The following N4BP1 variants were observed in gnomAD, a reference collection of about 807,000 sequenced individuals.
N4BP1 encodes the protein NEDD4-binding protein 1.
N4BP1 carries 21 observed loss-of-function variants against 70.9 expected under a neutral mutation model. The ratio of observed to expected loss-of-function variants is 0.30; its 90% CI spans 0.21 to 0.43. N4BP1 has a LOEUF of 0.43. N4BP1 is among the 20% of genes least tolerant of loss of function. N4BP1 has a pLI of 1.00. For missense variants in N4BP1, 936 were observed against 1,069.4 expected (o/e 0.88, Z 1.74); for synonymous variants, 387 against 394.6 (o/e 0.98, Z 0.23).
intron 1 of N4BP1, among the ~76,000 whole-genome samples, chr16:48,579,629 C>CA (rs1269761469): frequency 6.7e-6 from 1 of 149,986 alleles, no homozygotes; most frequent in Non-Finnish European, 1.5e-5. Flanking sequence ...TCTAACCAAG[C>CA]AACTGTATTC....
intron 1 of N4BP1, among the ~76,000 whole-genome samples, chr16:48,595,018 C>T (rs1363720491): frequency 6.6e-6 from 1 of 152,022 alleles, no homozygotes; most frequent in Admixed American, 6.6e-5. Context: ...GAGATTGTGG[C>T]ATTAGAATAA....
In N4BP1 at chr16:48,561,351, T is replaced by C; in HGVS notation, c.1292A>G (p.Gln431Arg). ...LTTDSTPKKT[Q>R]AHTQQNMVEK... ...TACCATATTTTGCTGTGTGTGAGCC[T>C]GTGTTTTCTTTGGAGTGGAATCAGT... The change falls in exon 2 of 7, where the codon CAG becomes CGG. Residue 431 changes from glutamine to arginine, a missense_variant. Gln to Arg is a conservative substitution (Grantham distance 43). Around this residue, in one of 4 missense-constraint regions of N4BP1, gnomAD observed 515 missense variants for 491.7 expected, o/e 1.05. Coordinates refer to ENST00000262384, the MANE Select transcript of N4BP1 (RefSeq NM_153029.4). 6 of 1,613,954 alleles carry C rather than the reference T, an allele frequency of 3.7e-6. No homozygotes were observed. The highest frequency in any genetic ancestry group is 5.1e-6 in the Non-Finnish European group (6 of 1,179,878).
intron 1 of N4BP1, among the ~76,000 whole-genome samples, chr16:48,575,334 C>G (rs951107365): frequency 2.0e-5 from 3 of 152,070 alleles, no homozygotes; most frequent in African/African-American, 7.2e-5. Context: ...CTACAATGTT[C>G]TTATTCTGTT....
intron 1 of N4BP1, among the ~76,000 whole-genome samples, chr16:48,581,655 G>A (rs1019943826): frequency 3.9e-5 from 6 of 152,138 alleles, no homozygotes; most frequent in Admixed American, 1.3e-4. Context: ...CACAGAAAAC[G>A]AAAACACTGA....
At chr16:48,604,653 T>C (rs1250409876) in intron 1 of N4BP1, among the ~76,000 whole-genome samples, 1 of 150,288 alleles carries the variant, frequency 6.7e-6, no homozygotes, top group Non-Finnish European at 1.5e-5. Context: ...GAAACAAAGC[T>C]CAGGTCCACT....
At chr16:48,587,967 G>T (rs1014480344) in intron 1 of N4BP1, among the ~76,000 whole-genome samples, 22 of 151,634 alleles carry the variant, frequency 1.5e-4, no homozygotes, top group African/African-American at 5.3e-4. Context: ...TAGTTTTCTT[G>T]ATTTTTTTTT....
At position 48,561,580 on chromosome 16, in the gene N4BP1, T is replaced by TA; in HGVS notation, c.1062dup (p.Lys355Ter). 1 of 1,613,874 alleles carries TA rather than the reference T, an allele frequency of 6.2e-7. No individual in the cohort carries two copies. Among genetic ancestry groups the TA allele is most frequent in the Non-Finnish European group, 8.5e-7 (1 of 1,179,872 alleles). ...ATTTCTTGGGAGTAGCCCATGGTTT[T>TA]AAAAAAGTTTACGAGGATGTTGTAT... On this transcript the variant is annotated frameshift_variant, in exon 2 of 7. Coordinates refer to ENST00000262384, the MANE Select transcript of N4BP1 (RefSeq NM_153029.4). LOFTEE classifies it high-confidence loss of function.
At chr16:48,608,609 T>G (rs796863059) in intron 1 of N4BP1, among the ~76,000 whole-genome samples, 4 of 152,078 alleles carry the variant, frequency 2.6e-5, no homozygotes, top group African/African-American at 7.2e-5. Context: ...CTAGAGAAAC[T>G]TGGTTACCTA....
At chr16:48,555,056 CTA>C (rs1296579492) in intron 2 of N4BP1, among the ~76,000 whole-genome samples, 2 of 152,222 alleles carry the variant, frequency 1.3e-5, no homozygotes, top group African/African-American at 4.8e-5. Flanking sequence ...ATGTTGCTTT[CTA>C]TATGTGTGAT....
At position 48,562,191 on chromosome 16, in the gene N4BP1, T is replaced by G; in HGVS notation, c.452A>C (p.Gln151Pro). 1 of 1,614,040 alleles carries G rather than the reference T, an allele frequency of 6.2e-7. No individual in the cohort carries two copies. The highest frequency in any genetic ancestry group is 8.5e-7 in the Non-Finnish European group (1 of 1,179,906). Residue 151 changes from glutamine to proline, a missense_variant, in exon 2 of 7, where the codon CAG (glutamine) becomes CCG (proline). Physicochemically the swap from Gln to Pro is moderately conservative, Grantham distance 76. Transcript: ENST00000262384. ...TTCCCTTTTCACCTCTGATTCTTTCTGACTACTGGGTAGGTTCTCTTTATT... is the reference window on the plus strand; with the variant it reads ...TTCCCTTTTCACCTCTGATTCTTTCGGACTACTGGGTAGGTTCTCTTTATT... ...FENKENLPSS[Q>P]KESEVKREFK...
intron 4 of N4BP1, among the ~76,000 whole-genome samples, chr16:48,549,750 C>T (rs1963639194): frequency 6.6e-6 from 1 of 152,220 alleles, no homozygotes; most frequent in Non-Finnish European, 1.5e-5. Context: ...TATATGTCTG[C>T]TGTGGTCCCA....
intron 1 of N4BP1, among the ~76,000 whole-genome samples, chr16:48,574,611 A>T (rs937065848): frequency 2.0e-5 from 3 of 152,168 alleles, no homozygotes; most frequent in Non-Finnish European, 4.4e-5. Context: ...ATTTTTTGTC[A>T]TTTTTTAAAT....
rs181710677 is a variant in N4BP1 at position 48,570,016 on chromosome 16, G to A, written c.199-7572C>T. The stretch of plus-strand genomic sequence containing the variant: ...TGCAACTGGGCTTGGATCCAGCTAG[G>A]ACACACAGAGAGAAAAATCAATGGA... On this transcript the variant is annotated intron_variant, in intron 1 of 6. Transcript: ENST00000262384. Among the ~76,000 whole-genome samples the A allele has an allele frequency of 1.3e-3, 205 of 152,166 alleles. 1 individual carries two copies. Among genetic ancestry groups the A allele is most frequent in the African/African-American group, 4.7e-3 (194 of 41,502 alleles).
At position 48,540,714 on chromosome 16, in the gene N4BP1, T is replaced by C. The variant is rs1307648515; in HGVS notation, c.*2190A>G. On this transcript the variant is annotated 3_prime_UTR_variant, in exon 7 of 7. Coordinates refer to ENST00000262384, the MANE Select transcript of N4BP1 (RefSeq NM_153029.4). Reference sequence around the variant, plus strand: ...CCACGAAGTGGGAGAGCCTGAGCAGTAGACAGGGAAGAGGCGAGCGGCCCC... The same window carrying C: ...CCACGAAGTGGGAGAGCCTGAGCAGCAGACAGGGAAGAGGCGAGCGGCCCC... The C allele has an allele frequency of 1.3e-5, 2 of 152,208 alleles. No individual in the cohort carries two copies. Among genetic ancestry groups the C allele is most frequent in the Admixed American group, 6.6e-5 (1 of 15,262 alleles). 9.4% of individuals were successfully genotyped at this position (152,208 alleles called of 1,614,324 possible). A position where few individuals can be genotyped will look rare whatever the true frequency, so the allele number is the denominator to read the frequency against.
rs539697087 is a variant in N4BP1, at chr16:48,559,921, T to C, written c.1889+833A>G. The stretch of plus-strand genomic sequence containing the variant: ...GGTTTTGAAAACTGAAGGCAGACTT[T>C]ACATAGTTGTTGAAATGATATGGTA... On this transcript the variant is annotated intron_variant, in intron 2 of 6. Transcript: ENST00000262384. Among the ~76,000 whole-genome samples, 40 of 152,316 alleles carry C rather than the reference T, an allele frequency of 2.6e-4. 1 individual carries two copies. The South Asian group carries it at 8.3e-3, about 32-fold the overall frequency.
In N4BP1 at chr16:48,562,000, A is replaced by C. The variant is rs1347329574; in HGVS notation, c.643T>G (p.Phe215Val). 6.2e-7 allele frequency: 1 copy of C among 1,613,728 alleles called. No homozygotes were observed. The highest frequency in any genetic ancestry group is 8.5e-7 in the Non-Finnish European group (1 of 1,179,838). ...AGCCCTGTGGCAGCATTCTGTGTAA[A>C]CTCTGTTTGTTGAGAATCTCTCATT... ...IEMRDSQQTE[F>V]TQNAATGLNI... Residue 215 changes from phenylalanine to valine, a missense_variant, in exon 2 of 7, where the codon TTT becomes GTT. Physicochemically the swap from Phe to Val is conservative, Grantham distance 50. Coordinates refer to ENST00000262384, the MANE Select transcript of N4BP1 (RefSeq NM_153029.4).
At chr16:48,596,997 C>G (rs1446001680) in intron 1 of N4BP1, among the ~76,000 whole-genome samples, 2 of 152,128 alleles carry the variant, frequency 1.3e-5, no homozygotes, top group Non-Finnish European at 2.9e-5. Flanking sequence ...GCCATCCCAC[C>G]CAGGAACAGA....
At chr16:48,597,265 G>T (rs891922652) in intron 1 of N4BP1, among the ~76,000 whole-genome samples, 1 of 152,130 alleles carries the variant, frequency 6.6e-6, no homozygotes, top group Admixed American at 6.5e-5. Context: ...GAACCCGTTG[G>T]GCGGTTACAT....
At chr16:48,604,521 C>A (rs1964547909) in intron 1 of N4BP1, among the ~76,000 whole-genome samples, 1 of 151,078 alleles carries the variant, frequency 6.6e-6, no homozygotes, top group East Asian at 1.9e-4. Flanking sequence ...GCACTCCAAC[C>A]TAGGGACCCT....
Sources: gnomAD v4.1 joint callset for allele counts (sites outside exome capture counted in the v4.1 genomes callset) on GRCh38, gnomAD v4.1.1 for gene constraint, gnomAD v4.1.1 regional missense constraint, MANE v1.5 for transcripts, NCBI Gene and HGNC (gene_info 2026-07-23, HGNC 2026-07-21) for gene names.